Variants in AGBL4 observed in about 807,000 individuals in gnomAD.
AGBL4 encodes the protein AGBL carboxypeptidase 4.
In AGBL4, 58 loss-of-function variants were observed where a neutral mutation model predicts 66.4. The observed-to-expected ratio is 0.87, with a 90% confidence interval of 0.71 to 1.09. The LOEUF (loss-of-function observed/expected upper bound fraction) is 1.09, where lower values mean the gene tolerates loss of function less well. AGBL4 is among the 50% of genes least tolerant of loss of function. AGBL4 has a pLI of 0.00. For missense variants in AGBL4, 579 were observed against 631.0 expected, an observed-to-expected ratio of 0.92 and a Z score of 0.88; for synonymous variants, 234 against 222.9, an observed-to-expected ratio of 1.05 and a Z score of -0.44.
chr1:50,023,756 C>G lies in AGBL4; in HGVS notation c.34+7G>C, dbSNP rs540520422. ...CAGCCTTCCCCAGATCGGCCGCCCC[C>G]ACAGACCTGCCTCAGGCGCCGACTG... On this transcript the variant is annotated splice_region_variant and intron_variant, in intron 1 of 13. Coordinates refer to ENST00000371839, the MANE Select transcript of AGBL4 (RefSeq NM_032785.4). The G allele has an allele frequency of 2.4e-5, 37 of 1,549,160 alleles. 1 individual carries two copies. The South Asian group carries it at 4.1e-4, about 17-fold the overall frequency.
At chr1:49,860,485 C>A (rs1646541582) in intron 1 of AGBL4, among the ~76,000 whole-genome samples, 1 of 152,176 alleles carries the variant, frequency 6.6e-6, no homozygotes, top group African/African-American at 2.4e-5. Flanking sequence ...ATCGCTTCAG[C>A]CCAGAAGTTT....
chr1:48,973,578 A>C (rs1659083311), intron 5 of AGBL4, among the ~76,000 whole-genome samples: 1 of 152,120 alleles, frequency 6.6e-6, no homozygotes, highest in Admixed American at 6.6e-5. Context: ...AAAAAACCCC[A>C]ATTCATCCCT....
At chr1:49,609,369 A>G (rs1229176650) in intron 3 of AGBL4, among the ~76,000 whole-genome samples, 2 of 152,214 alleles carry the variant, frequency 1.3e-5, no homozygotes, top group Non-Finnish European at 2.9e-5. Context: ...AAGAAGAAAA[A>G]TAAGAACCAG....
At chr1:49,658,588 G>A (rs946796234) in intron 3 of AGBL4, among the ~76,000 whole-genome samples, 2 of 152,174 alleles carry the variant, frequency 1.3e-5, no homozygotes, top group South Asian at 2.1e-4. Context: ...ACTCACAATA[G>A]CAAAGACTTG....
chr1:49,686,860 A>G (rs1165952149), intron 3 of AGBL4, among the ~76,000 whole-genome samples: 1 of 152,234 alleles, frequency 6.6e-6, no homozygotes, highest in Admixed American at 6.5e-5. Context: ...GTGACACAGT[A>G]AATAGTTGAA....
At chr1:49,980,878 T>A (rs1659002597) in intron 1 of AGBL4, among the ~76,000 whole-genome samples, 1 of 152,214 alleles carries the variant, frequency 6.6e-6, no homozygotes, top group South Asian at 2.1e-4. Context: ...TATGGCATAT[T>A]AACTGCTCAA....
rs183585952 is a variant in AGBL4 at position 49,848,084 on chromosome 1, G to A, written c.157+3312C>T. On this transcript the variant is annotated intron_variant, in intron 2 of 13. Transcript: ENST00000371839. ...ACAATGAGATATCTTATACCAGTCAGAATGACTATTATTAAAAAGCAAAAA... is the reference window on the plus strand; with the variant it reads ...ACAATGAGATATCTTATACCAGTCAAAATGACTATTATTAAAAAGCAAAAA... 2.8e-3 allele frequency among the ~76,000 whole-genome samples: 433 copies of A among 152,138 alleles called. 1 individual carries two copies. The highest frequency in any genetic ancestry group is 5.0e-3 in the South Asian group (24 of 4,824).
At chr1:48,814,366 AAC>A (rs200247532) in intron 6 of AGBL4, among the ~76,000 whole-genome samples, 1 of 44,122 alleles carries the variant, frequency 2.3e-5, no homozygotes, top group Non-Finnish European at 1.9e-4. Flanking sequence ...ATTCATGGGA[AAC>A]ATAGTGATAT....
At chr1:49,511,275 A>C (rs1649218080) in intron 3 of AGBL4, among the ~76,000 whole-genome samples, 1 of 151,832 alleles carries the variant, frequency 6.6e-6, no homozygotes, top group Admixed American at 6.6e-5. Context: ...CTATGCAGCC[A>C]TAAAAAATGA....
intron 3 of AGBL4, among the ~76,000 whole-genome samples, chr1:49,360,059 C>T (rs1203060142): frequency 6.6e-6 from 1 of 152,098 alleles, no homozygotes; most frequent in Admixed American, 6.6e-5. Context: ...ATATCAGTCA[C>T]TTGGATTAAG....
At chr1:48,993,989 C>CT (rs1276706622) in intron 5 of AGBL4, among the ~76,000 whole-genome samples, 4 of 152,108 alleles carry the variant, frequency 2.6e-5, no homozygotes, top group Admixed American at 6.6e-5. Context: ...TAGAAAGGTG[C>CT]TTTTTTTGTG....
At chr1:49,652,913 G>C (rs923320317) in intron 3 of AGBL4, among the ~76,000 whole-genome samples, 2 of 152,074 alleles carry the variant, frequency 1.3e-5, no homozygotes, top group African/African-American at 4.8e-5. Flanking sequence ...CAGGAGTCAG[G>C]GTAGCCCGAG....
chr1:49,836,687 C>T (rs1007148064), intron 2 of AGBL4, among the ~76,000 whole-genome samples: 2 of 152,162 alleles, frequency 1.3e-5, no homozygotes, highest in South Asian at 2.1e-4. Context: ...AGCCTTTTTA[C>T]ACTGGTTTTT....
chr1:49,861,790 GT>G (rs1646579394), intron 1 of AGBL4, among the ~76,000 whole-genome samples: 1 of 152,184 alleles, frequency 6.6e-6, no homozygotes, highest in African/African-American at 2.4e-5. Context: ...GACGATCAAG[GT>G]GGTACATCTC....
At chr1:49,313,514 C>G (rs1469357359) in intron 3 of AGBL4, among the ~76,000 whole-genome samples, 1 of 152,114 alleles carries the variant, frequency 6.6e-6, no homozygotes, top group African/African-American at 2.4e-5. Context: ...GTTCCTATTT[C>G]TCCACATGCT....
chr1:49,344,661 A>G (rs1315050361), intron 3 of AGBL4, among the ~76,000 whole-genome samples: 2 of 152,308 alleles, frequency 1.3e-5, no homozygotes. Flanking sequence ...AAACTAAAAA[A>G]TTTTAAGTTT....
At chr1:49,109,920 A>T (rs1323876819) in intron 4 of AGBL4, among the ~76,000 whole-genome samples, 3 of 151,974 alleles carry the variant, frequency 2.0e-5, no homozygotes, top group Non-Finnish European at 4.4e-5. Context: ...AATGAATAAT[A>T]AAAAAAACTC....
intron 4 of AGBL4, among the ~76,000 whole-genome samples, chr1:49,205,339 C>T (rs1038979035): frequency 1.8e-4 from 28 of 152,068 alleles, no homozygotes; most frequent in African/African-American, 6.5e-4. Flanking sequence ...TAAATGACCT[C>T]CATCCATCTA....
intron 3 of AGBL4, among the ~76,000 whole-genome samples, chr1:49,668,501 T>C (rs1008241389): frequency 7.2e-5 from 11 of 152,206 alleles, no homozygotes; most frequent in African/African-American, 2.7e-4. Flanking sequence ...CTGATACTAA[T>C]AGGTTCACAT....
Sources: gnomAD v4.1 joint callset for allele counts (sites outside exome capture counted in the v4.1 genomes callset) on GRCh38, gnomAD v4.1.1 for gene constraint, MANE v1.5 for transcripts, NCBI Gene and HGNC (gene_info 2026-07-23, HGNC 2026-07-21) for gene names.